ADH5: variants seen among roughly 807,000 people sequenced by gnomAD.
The protein encoded by ADH5 is alcohol dehydrogenase class-3.
In ADH5, 32 loss-of-function variants were observed where a neutral mutation model predicts 40.3. The ratio of observed to expected loss-of-function variants is 0.79; its 90% confidence interval spans 0.60 to 1.07. ADH5 has a LOEUF of 1.07. Among genes scored for constraint, ADH5 ranks in the 50% least tolerant of loss-of-function variants. The pLI is 0.00. For missense variants in ADH5, 353 were observed against 460.5 expected, an observed-to-expected ratio of 0.77 and a Z score of 2.14; for synonymous variants, 125 against 154.3, an observed-to-expected ratio of 0.81 and a Z score of 1.41.
In ADH5 at chr4:99,085,098, C is replaced by CT; in HGVS notation, c.114+16dup. On this transcript the variant is annotated intron_variant, in intron 2 of 8. Transcript: ENST00000296412. ...ATTGTGTCTCTTTTTTTCCCAGTGC[C>CT]TTAAATGTATCATTACCTTGATTCG... 1 of 1,404,396 alleles carries CT rather than the reference C, an allele frequency of 7.1e-7. No individual in the cohort carries two copies. The highest frequency in any genetic ancestry group is 1.5e-5 in the South Asian group (1 of 64,698). 87.0% of individuals were successfully genotyped at this position (1,404,396 alleles called of 1,614,324 possible).
Position 99,088,726 on chromosome 4 carries a change from G to A in ADH5, c.-26C>T, listed in dbSNP as rs748530011. 1.9e-6 allele frequency: 3 copies of A among 1,605,954 alleles called. No individual in the cohort carries two copies. The Admixed American group carries it at 5.0e-5, about 27-fold the overall frequency. On this transcript the variant is annotated 5_prime_UTR_variant, in exon 1 of 9. Transcript: ENST00000296412. The stretch of plus-strand genomic sequence containing the variant: ...GTTCACGGATTCTGGTCGGCGCGGG[G>A]GGCTGACATCCGGGGTGGGCCGCGC...
chr4:99,082,504 A>G (rs1728045455), intron 2 of ADH5, among the ~76,000 whole-genome samples: 1 of 152,136 alleles, frequency 6.6e-6, no homozygotes, highest in Admixed American at 6.5e-5. Flanking sequence ...TTTCCTCATG[A>G]CAGCTGGGAA....
chr4:99,076,558 A>C lies in ADH5; in HGVS notation c.565-6T>G. ...CAAACAGAGCCAGGCTCCAACTAGG[A>C]GTAAAGAAAGTTTATAAAGTACTCA... is the stretch of plus-strand genomic sequence containing the variant. On this transcript the variant is annotated splice_region_variant and splice_polypyrimidine_tract_variant and intron_variant, in intron 5 of 8. Coordinates refer to ENST00000296412, the MANE Select transcript of ADH5 (RefSeq NM_000671.4). 6.2e-7 allele frequency: 1 copy of C among 1,611,274 alleles called. No individual in the cohort carries two copies. The highest frequency in any genetic ancestry group is 8.5e-7 in the Non-Finnish European group (1 of 1,178,818).
chr4:99,083,726 T>C (rs1428938042), intron 2 of ADH5, among the ~76,000 whole-genome samples: 2 of 151,776 alleles, frequency 1.3e-5, no homozygotes, highest in African/African-American at 2.4e-5. Flanking sequence ...AGTGAGATGG[T>C]AGGGGAAGTA....
In ADH5 at chr4:99,072,444, G is replaced by A. The variant is rs767002492; in HGVS notation, c.1101-3C>T. ...AAATCTTTACAACAGTTCGAATGCTGTAAAAGGAAGCAACATACTAAGTTT... is the reference window on the plus strand; with the variant it reads ...AAATCTTTACAACAGTTCGAATGCTATAAAAGGAAGCAACATACTAAGTTT... On this transcript the variant is annotated splice_polypyrimidine_tract_variant and splice_region_variant and intron_variant, in intron 8 of 8. Transcript: ENST00000296412. 6.2e-7 allele frequency: 1 copy of A among 1,613,172 alleles called. No homozygotes were observed. The highest frequency in any genetic ancestry group is 8.5e-7 in the Non-Finnish European group (1 of 1,179,364).
chr4:99,082,234 C>G, intron 2 of ADH5, 118 bp from the exon 3 acceptor site: 1 of 1,100,232 alleles, frequency 9.1e-7, no homozygotes, highest in Non-Finnish European at 1.2e-6. Flanking sequence ...AGACACATTT[C>G]TTTCATATTT....
Position 99,076,354 on chromosome 4 carries a change from T to C in ADH5, c.763A>G (p.Ile255Val), listed in dbSNP as rs773548663. ...DFSKPIQEVL[I>V]EMTDGGVDYS... ...TCCACTCCTCCATCGGTCATCTCAA[T>C]GAGCACTTCCTGGATGGGTTTACTA... The change falls in exon 6 of 9, where the codon ATT becomes GTT. Residue 255 changes from isoleucine to valine, a missense_variant. Ile to Val is a conservative substitution (Grantham distance 29). Transcript: ENST00000296412. 1 of 1,614,190 alleles carries C rather than the reference T, an allele frequency of 6.2e-7. No homozygotes were observed. The highest frequency in any genetic ancestry group is 8.5e-7 in the Non-Finnish European group (1 of 1,180,016).
intron 3 of ADH5, chr4:99,081,773 T>C: frequency 1.5e-6 from 1 of 670,940 alleles, no homozygotes; most frequent in Non-Finnish European, 2.4e-6. Flanking sequence ...CTTAGAAAAG[T>C]TTCACAAAAA....
In ADH5 at chr4:99,079,521, T is replaced by G. The variant is rs576375592; in HGVS notation, c.344+1844A>C. On this transcript the variant is annotated intron_variant, in intron 4 of 8. Transcript: ENST00000296412. Reference sequence around the variant, plus strand: ...GGAGCTTATCGGGTGCTGGCAGGGTTCTCTATCTTGATCTGGGTGACGTTC... The same window carrying G: ...GGAGCTTATCGGGTGCTGGCAGGGTGCTCTATCTTGATCTGGGTGACGTTC... Among the ~76,000 whole-genome samples the G allele has an allele frequency of 3.1e-4, 47 of 152,252 alleles. No homozygotes were observed. The South Asian group carries it at 6.0e-3, about 19-fold the overall frequency.
At chr4:99,081,842 GGA>G (rs1491585823) in intron 3 of ADH5, 131 bp downstream of exon 3, 1 of 877,394 alleles carries the variant, frequency 1.1e-6, no homozygotes, top group Non-Finnish European at 1.7e-6. Flanking sequence ...TCCCAGATGA[GGA>G]ATCAACTTAA....
At position 99,080,309 on chromosome 4, in the gene ADH5, C is replaced by A. The variant is rs28730607; in HGVS notation, c.344+1056G>T. The A allele has an allele frequency of 7.5e-3, 1,508 of 200,810 alleles. 22 individuals are homozygous for A. Among genetic ancestry groups the A allele is most frequent in the African/African-American group, 0.033 (1,396 of 41,840 alleles). The allele number at this position is 200,810 out of a possible 1,614,324, so 12.4% of individuals were successfully genotyped here. A position where few individuals can be genotyped will look rare whatever the true frequency, so the allele number is the denominator to read the frequency against. On this transcript the variant is annotated intron_variant, in intron 4 of 8. Transcript: ENST00000296412. ...AGGAGTTGAAAGAAAAATGAGCCAA[C>A]AAATTTCCAGATTATGACAAACCAT...
At position 99,082,124 on chromosome 4, in the gene ADH5, G is replaced by T; in HGVS notation, c.115-8C>A. 1 of 1,612,910 alleles carries T rather than the reference G, an allele frequency of 6.2e-7. No homozygotes were observed. The highest frequency in any genetic ancestry group is 8.5e-7 in the Non-Finnish European group (1 of 1,179,280). On this transcript the variant is annotated splice_polypyrimidine_tract_variant and splice_region_variant and intron_variant, in intron 2 of 8. Coordinates refer to ENST00000296412, the MANE Select transcript of ADH5 (RefSeq NM_000671.4). The stretch of plus-strand genomic sequence containing the variant: ...AACCGCAGTGGCAATGATCTATCAG[G>T]ACATTAAAACAACGAATGTGTAAGT...
intron 7 of ADH5, among the ~76,000 whole-genome samples, chr4:99,074,571 A>G (rs1727887369): frequency 6.6e-6 from 1 of 152,194 alleles, no homozygotes; most frequent in Admixed American, 6.5e-5. Context: ...GAAACACACC[A>G]TGGCTGATAC....
chr4:99,088,762 G>T lies in ADH5; in HGVS notation c.-62C>A. 6.8e-7 allele frequency: 1 copy of T among 1,460,736 alleles called. No homozygotes were observed. The highest frequency in any genetic ancestry group is 9.2e-7 in the Non-Finnish European group (1 of 1,081,462). 90.5% of individuals were successfully genotyped at this position (1,460,736 alleles called of 1,614,324 possible). On this transcript the variant is annotated 5_prime_UTR_variant, in exon 1 of 9. Coordinates refer to ENST00000296412, the MANE Select transcript of ADH5 (RefSeq NM_000671.4). ...CGGGGTGGGCCGCGCAGCGACGGAG[G>T]CATGGGCGTGGCGAGCGCCTAGCGA...
intron 1 of ADH5, among the ~76,000 whole-genome samples, chr4:99,086,022 G>A (rs1728128021): frequency 2.4e-5 from 3 of 125,220 alleles, no homozygotes; most frequent in Admixed American, 1.6e-4. Flanking sequence ...GGGCAACAGA[G>A]CGAGACATCG....
rs536474366 is a variant in ADH5, at chr4:99,082,053, A to C, written c.178T>G (p.Cys60Gly). 4.3e-6 allele frequency: 7 copies of C among 1,613,988 alleles called. No homozygotes were observed. In the East Asian group the frequency reaches 1.6e-4, roughly 36 times the overall value. The change falls in exon 3 of 9, where the codon TGT becomes GGT. Residue 60 changes from cysteine to glycine, a missense_variant. Transcript: ENST00000296412. ...YTLSGADPEG[C>G]FPVILGHEGA... ...TCATGTCCCAAGATCACTGGAAAAC[A>C]ACCCTCAGGATCAGCTCCACTCAGG...
intron 1 of ADH5, among the ~76,000 whole-genome samples, chr4:99,086,423 G>A (rs1353498702): frequency 6.6e-6 from 1 of 152,140 alleles, no homozygotes; most frequent in African/African-American, 2.4e-5. Flanking sequence ...GTAAGCCACT[G>A]GGTTTACAGG....
chr4:99,075,037 C>G lies in ADH5; in HGVS notation c.838G>C (p.Glu280Gln). ...GNVKVMRAALEACHKGWGVSV... is the reference protein window; with the variant it reads ...GNVKVMRAALQACHKGWGVSV... ...ACGCCCCAGCCCTTGTGACATGCCT[C>G]AAGTGCTGCTCTCTGCAGGCACAGA... Residue 280 changes from glutamate to glutamine, a missense_variant, in exon 7 of 9, where the codon GAG (glutamate) becomes CAG (glutamine). Transcript: ENST00000296412. 6.2e-7 allele frequency: 1 copy of G among 1,611,368 alleles called. No homozygotes were observed. Among genetic ancestry groups the G allele is most frequent in the Non-Finnish European group, 8.5e-7 (1 of 1,178,248 alleles).
Position 99,076,692 on chromosome 4 carries a change from T to A in ADH5, c.564+12A>T, listed in dbSNP as rs764588660. On this transcript the variant is annotated intron_variant, in intron 5 of 8. Transcript: ENST00000296412. Reference sequence around the variant, plus strand: ...AGAAGGCAGAAGCAAAAAACCCAAGTCAGTCTCTTACCTTGGCAGTGTTCA... The same window carrying A: ...AGAAGGCAGAAGCAAAAAACCCAAGACAGTCTCTTACCTTGGCAGTGTTCA... 5 of 1,609,718 alleles carry A rather than the reference T, an allele frequency of 3.1e-6. No individual in the cohort carries two copies. Among genetic ancestry groups the A allele is most frequent in the Non-Finnish European group, 4.2e-6 (5 of 1,178,352 alleles).
Sources: gnomAD v4.1 joint callset for allele counts (sites outside exome capture counted in the v4.1 genomes callset) on GRCh38, gnomAD v4.1.1 for gene constraint, MANE v1.5 for transcripts, NCBI Gene and HGNC (gene_info 2026-07-23, HGNC 2026-07-21) for gene names.